CUX1: variants seen among roughly 807,000 people sequenced by gnomAD.
CUX1 encodes the protein protein CASP.
A neutral mutation model predicts 158.8 loss-of-function variants in CUX1; 31 were observed. That is an observed-to-expected ratio of 0.20 (90% CI 0.15 to 0.26). CUX1 has a LOEUF of 0.26. Among genes scored for constraint, CUX1 ranks in the 10% least tolerant of loss-of-function variants. CUX1 has a pLI of 1.00. For missense variants in CUX1, 1,589 were observed against 2,014.6 expected, an observed-to-expected ratio of 0.79 and a Z score of 4.04; for synonymous variants, 879 against 862.1, an observed-to-expected ratio of 1.02 and a Z score of -0.34.
chr7:101,991,421 C>T (rs527275680), intron 2 of CUX1, among the ~76,000 whole-genome samples: 18 of 152,138 alleles, frequency 1.2e-4, no homozygotes, highest in Non-Finnish European at 1.5e-4. Flanking sequence ...GCCATCTAGC[C>T]TATGTATTGG....
intron 2 of CUX1, among the ~76,000 whole-genome samples, chr7:101,959,760 G>GT (rs1810239222): frequency 6.6e-6 from 1 of 152,184 alleles, no homozygotes; most frequent in South Asian, 2.1e-4. Context: ...GGAGGCTGCT[G>GT]TTTCCACTGC....
At chr7:101,825,513 G>A (rs569813349) in intron 1 of CUX1, among the ~76,000 whole-genome samples, 24 of 152,194 alleles carry the variant, frequency 1.6e-4, no homozygotes, top group Admixed American at 9.2e-4. Context: ...GGAGCTGGCC[G>A]TCCCAGAGGG....
intron 2 of CUX1, among the ~76,000 whole-genome samples, chr7:101,942,921 T>G (rs1807887161): frequency 6.6e-6 from 1 of 152,086 alleles, no homozygotes; most frequent in African/African-American, 2.4e-5. Context: ...GGGAGATCAG[T>G]TCCCTTCTCT....
chr7:102,195,641 T>C (rs1554518095), intron 14 of CUX1, 38 bp downstream of exon 14: 1 of 1,556,658 alleles, frequency 6.4e-7, no homozygotes, highest in South Asian at 1.2e-5. Context: ...CGGTGGTTGG[T>C]TCGCTTCCAG....
chr7:101,826,603 A>C (rs1793326303), intron 1 of CUX1, among the ~76,000 whole-genome samples: 1 of 152,230 alleles, frequency 6.6e-6, no homozygotes, highest in Admixed American at 6.5e-5. Flanking sequence ...GAGGGCGGAC[A>C]GGACTGGCAG....
At chr7:102,103,492 G>T (rs1205556226) in intron 5 of CUX1, among the ~76,000 whole-genome samples, 1 of 151,784 alleles carries the variant, frequency 6.6e-6, no homozygotes, top group Non-Finnish European at 1.5e-5. Flanking sequence ...GTACAGTGGC[G>T]CAATCATAGC....
intron 21 of CUX1, among the ~76,000 whole-genome samples, chr7:102,232,462 G>C (rs1309911496): frequency 2.6e-5 from 4 of 152,196 alleles, no homozygotes; most frequent in African/African-American, 7.2e-5. Flanking sequence ...GCCACAGAGA[G>C]AACAAGCCAG....
chr7:101,885,005 G>A (rs534511355), intron 1 of CUX1, among the ~76,000 whole-genome samples: 38 of 152,038 alleles, frequency 2.5e-4, no homozygotes, highest in Non-Finnish European at 3.8e-4. Context: ...TGAAGCACTC[G>A]CCTCCTCCCC....
At chr7:102,170,011 G>T (rs1791534889) in intron 9 of CUX1, among the ~76,000 whole-genome samples, 1 of 152,202 alleles carries the variant, frequency 6.6e-6, no homozygotes, top group Non-Finnish European at 1.5e-5. Flanking sequence ...AACATTGTTT[G>T]TGCGTGTTTT....
At chr7:102,137,615 G>A (rs1357775491) in intron 8 of CUX1, among the ~76,000 whole-genome samples, 33 of 151,618 alleles carry the variant, frequency 2.2e-4, no homozygotes, top group African/African-American at 7.0e-4. Context: ...CAGCCTGGGC[G>A]AGAAGAGTGA....
intron 1 of CUX1, among the ~76,000 whole-genome samples, chr7:101,860,706 A>G (rs1385632712): frequency 1.4e-5 from 2 of 140,704 alleles, no homozygotes; most frequent in Non-Finnish European, 3.1e-5. Flanking sequence ...CCTTTCCTTT[A>G]TCCTCTCTCT....
In CUX1 at chr7:101,916,024, C is replaced by T. The variant is rs550340821; in HGVS notation, c.31-91C>T. 62 of 867,884 alleles carry T rather than the reference C, an allele frequency of 7.1e-5. 1 individual carries two copies. The African/African-American group carries it at 8.9e-4, about 12-fold the overall frequency. 53.8% of individuals were successfully genotyped at this position (867,884 alleles called of 1,614,324 possible). On this transcript the variant is annotated intron_variant, in intron 1 of 23. Coordinates refer to ENST00000292535, the MANE Select transcript of CUX1 (RefSeq NM_181552.4). The surrounding 1 kb of genome is among the most constrained non-coding windows in gnomAD (Gnocchi z 4.4). ...GTTCCTTAGAGCCACTGGGGTCTCT[C>T]CCCCAGTGTTCTGGTCAAATGCAAA...
intron 4 of CUX1, among the ~76,000 whole-genome samples, chr7:102,096,890 C>T (rs1382945762): frequency 6.6e-6 from 1 of 152,172 alleles, no homozygotes; most frequent in African/African-American, 2.4e-5. Flanking sequence ...CATAAAGTGT[C>T]CCGTGAACTG....
At chr7:102,169,678 G>A (rs1053945217) in intron 9 of CUX1, among the ~76,000 whole-genome samples, 2 of 152,230 alleles carry the variant, frequency 1.3e-5, no homozygotes, top group African/African-American at 2.4e-5. Context: ...ACCCTGTCGG[G>A]TGGTGGGCAC....
intron 3 of CUX1, among the ~76,000 whole-genome samples, chr7:102,068,828 G>A (rs1030954653): frequency 3.9e-5 from 6 of 152,294 alleles, no homozygotes; most frequent in African/African-American, 7.2e-5. Flanking sequence ...TGTAAAGTGC[G>A]ATCTGTTGTC....
At chr7:102,070,932 GTTTCT>G (rs66496549) in intron 4 of CUX1, among the ~76,000 whole-genome samples, 126,213 of 150,936 alleles carry the variant, frequency 0.84, 52,862 homozygotes, top group East Asian at 0.99. Flanking sequence ...TATATCAGTT[GTTTCT>G]TTTATTTTTT....
chr7:102,227,681 T>G lies in CUX1; in HGVS notation c.3433+12T>G. On this transcript the variant is annotated intron_variant, in intron 21 of 23. Coordinates refer to ENST00000292535, the MANE Select transcript of CUX1 (RefSeq NM_181552.4). ...GGACAACAACCTCGGTAGGTTCTCC[T>G]CTCGGCTGCTGAGTCAGGAGGTGGC... The G allele has an allele frequency of 6.3e-7, 1 of 1,599,206 alleles. No individual in the cohort carries two copies. The highest frequency in any genetic ancestry group is 8.5e-7 in the Non-Finnish European group (1 of 1,170,542).
At chr7:101,884,775 G>A (rs1800056176) in intron 1 of CUX1, among the ~76,000 whole-genome samples, 1 of 152,118 alleles carries the variant, frequency 6.6e-6, no homozygotes, top group African/African-American at 2.4e-5. Context: ...CACTTTAATG[G>A]ATATTTACAC....
intron 1 of CUX1, among the ~76,000 whole-genome samples, chr7:101,849,168 T>TTTCACGTCATTG (rs376520706): frequency 5.4e-4 from 82 of 152,278 alleles, no homozygotes; most frequent in African/African-American, 1.9e-3. Flanking sequence ...TTTTTTTCTA[T>TTTCACGTCATTG]TTCACGTCAT....
Sources: allele counts gnomAD v4.1 joint callset (sites outside exome capture counted in the v4.1 genomes callset), GRCh38; gene constraint gnomAD v4.1.1; non-coding constraint Gnocchi (gnomAD v3.1); transcripts MANE v1.5; gene names NCBI Gene and HGNC (gene_info 2026-07-23, HGNC 2026-07-21).